The following DUSP8 variants were observed in gnomAD, a reference collection of about 807,000 sequenced individuals.
DUSP8 encodes dual specificity phosphatase 8, also known as dual specificity protein phosphatase 8.
Under a neutral mutation model 38.7 loss-of-function variants are expected in DUSP8, and 15 were observed. That is an observed-to-expected ratio of 0.39 (90% confidence interval 0.26 to 0.60). The LOEUF (loss-of-function observed/expected upper bound fraction) is 0.60. Among genes scored for constraint, DUSP8 ranks in the 20% least tolerant of loss-of-function variants. DUSP8 has a pLI of 0.56. For missense variants in DUSP8, 768 were observed against 915.0 expected, an observed-to-expected ratio of 0.84 and a Z score of 2.07; for synonymous variants, 458 against 433.9, an observed-to-expected ratio of 1.06 and a Z score of -0.69.
intron 1 of DUSP8, among the ~76,000 whole-genome samples, chr11:1,570,928 C>A (rs1052770444): frequency 1.3e-5 from 2 of 152,040 alleles, no homozygotes; most frequent in Non-Finnish European, 2.9e-5. Flanking sequence ...CTTCCCTGGC[C>A]TGCAGCACCC....
chr11:1,555,439 C>A lies in DUSP8; in HGVS notation c.*1079G>T. The A allele has an allele frequency of 1.0e-6, 1 of 986,066 alleles. No individual in the cohort carries two copies. The highest frequency in any genetic ancestry group is 1.2e-6 in the Non-Finnish European group (1 of 829,956). The allele number at this position is 986,066 out of a possible 1,614,324, so 61.1% of individuals were successfully genotyped here. On this transcript the variant is annotated 3_prime_UTR_variant, in exon 7 of 7. Transcript: ENST00000397374. Reference sequence around the variant, plus strand: ...AGCACCTGCTCACAGAGCCCCTCAGCCTGCAGGTGCACACCTGAATTCCAA... The same window carrying A: ...AGCACCTGCTCACAGAGCCCCTCAGACTGCAGGTGCACACCTGAATTCCAA...
chr11:1,560,129 C>T (rs1039891950), intron 3 of DUSP8, among the ~76,000 whole-genome samples: 4 of 152,154 alleles, frequency 2.6e-5, no homozygotes, highest in Non-Finnish European at 4.4e-5. Context: ...AGCACCACCC[C>T]GAGGACACCT....
rs963901940 is a variant in DUSP8, at chr11:1,557,659, G to A, written c.822-85C>T. 1.9e-6 allele frequency: 3 copies of A among 1,540,542 alleles called. No individual in the cohort carries two copies. Among genetic ancestry groups the A allele is most frequent in the South Asian group, 2.5e-5 (2 of 80,050 alleles). On this transcript the variant is annotated intron_variant, in intron 6 of 6. Coordinates refer to ENST00000397374, the MANE Select transcript of DUSP8 (RefSeq NM_004420.3). The surrounding 1 kb of genome is among the most constrained non-coding windows in gnomAD (Gnocchi z 9.9). ...ACCCGCTGGGCACCCACGAGCTCATGTGCGCCAGGCTGGTCTCAGGCCCTC... is the reference window on the plus strand; with the variant it reads ...ACCCGCTGGGCACCCACGAGCTCATATGCGCCAGGCTGGTCTCAGGCCCTC...
At chr11:1,569,100 G>A (rs533665663) in intron 1 of DUSP8, among the ~76,000 whole-genome samples, 4 of 152,146 alleles carry the variant, frequency 2.6e-5, no homozygotes, top group Admixed American at 1.3e-4. Context: ...CTCCTTTCAC[G>A]GCCCCACATG....
chr11:1,564,053 A>T, intron 2 of DUSP8, 64 bp from the exon 3 acceptor site: 1 of 1,370,884 alleles, frequency 7.3e-7, no homozygotes. Context: ...GCCCCGTCCC[A>T]GATATGCTGG....
At position 1,555,317 on chromosome 11, in the gene DUSP8, G is replaced by C; in HGVS notation, c.*1201C>G. On this transcript the variant is annotated 3_prime_UTR_variant, in exon 7 of 7. Transcript: ENST00000397374. ...GCCCCATGGGGGTGGGGGCAAACGAGGGGGCTTTACCTGTCTTGAGGCAGT... is the reference window on the plus strand; with the variant it reads ...GCCCCATGGGGGTGGGGGCAAACGACGGGGCTTTACCTGTCTTGAGGCAGT... The C allele has an allele frequency of 1.0e-6, 1 of 987,932 alleles. No individual in the cohort carries two copies. Among genetic ancestry groups the C allele is most frequent in the Middle Eastern group, 2.8e-4 (1 of 3,550 alleles). 61.2% of individuals were successfully genotyped at this position (987,932 alleles called of 1,614,324 possible). A position where few individuals can be genotyped will look rare whatever the true frequency, so the allele number is the denominator to read the frequency against.
In DUSP8 at chr11:1,572,112, A is replaced by G. The variant is rs1276727751; in HGVS notation, c.-320T>C. Among the ~76,000 whole-genome samples the G allele has an allele frequency of 6.9e-6, 1 of 144,930 alleles. No individual in the cohort carries two copies. Among genetic ancestry groups the G allele is most frequent in the Non-Finnish European group, 1.5e-5 (1 of 65,476 alleles). ...CGGGGCGCGCGCACTGCGGGCGGGC[A>G]CGCGCGCTCGCGGCGCGCATCCCAG... is the stretch of plus-strand genomic sequence containing the variant. On this transcript the variant is annotated 5_prime_UTR_variant, in exon 1 of 7. Transcript: ENST00000397374. The surrounding 1 kb of genome is among the most constrained non-coding windows in gnomAD (Gnocchi z 4.7).
rs779679046 is a variant in DUSP8 at position 1,558,936 on chromosome 11, T to C, written c.490A>G (p.Ile164Val). The change falls in exon 4 of 7, where the codon ATC (isoleucine) becomes GTC (valine). Residue 164 changes from isoleucine to valine, a missense_variant. By Grantham distance (29) the Ile-to-Val change is conservative. Coordinates refer to ENST00000397374, the MANE Select transcript of DUSP8 (RefSeq NM_004420.3). The surrounding 1 kb of genome is among the most constrained non-coding windows in gnomAD (Gnocchi z 6.3). Reference protein sequence around the residue: ...LPVPSVGLTRILPHLYLGSQK... With the variant: ...LPVPSVGLTRVLPHLYLGSQK... The stretch of plus-strand genomic sequence containing the variant: ...GAGCCCAGGTAGAGGTGAGGCAGGA[T>C]GCGGGTCAGGCCCACGCTGGGCACA... 6 of 1,612,790 alleles carry C rather than the reference T, an allele frequency of 3.7e-6. No homozygotes were observed. In the African/African-American group the frequency reaches 5.3e-5, roughly 14 times the overall value.
At chr11:1,567,440 G>T (rs1233658747) in intron 1 of DUSP8, among the ~76,000 whole-genome samples, 1 of 152,234 alleles carries the variant, frequency 6.6e-6, no homozygotes, top group African/African-American at 2.4e-5. Flanking sequence ...AGCAGCAGGT[G>T]CAAGGCTGGT....
At chr11:1,559,232 T>TG in intron 3 of DUSP8, 177 bp from the exon 4 acceptor site, 2 of 570,406 alleles carry the variant, frequency 3.5e-6, no homozygotes, top group Non-Finnish European at 5.9e-6. Flanking sequence ...CTGCCCGCGG[T>TG]GGGGGGAGGG....
intron 3 of DUSP8, among the ~76,000 whole-genome samples, chr11:1,561,909 G>A (rs925542017): frequency 6.6e-6 from 1 of 152,234 alleles, no homozygotes; most frequent in African/African-American, 2.4e-5. Flanking sequence ...GAGCCTGAGG[G>A]CAGAGCCCGT....
In DUSP8 at chr11:1,555,976, T is replaced by C. The variant is rs1301507907; in HGVS notation, c.*542A>G. 1 of 151,376 alleles carries C rather than the reference T, an allele frequency of 6.6e-6. No individual in the cohort carries two copies. Among genetic ancestry groups the C allele is most frequent in the African/African-American group, 2.4e-5 (1 of 41,142 alleles). The allele number at this position is 151,376 out of a possible 1,614,324, so 9.4% of individuals were successfully genotyped here. ...ACCAAGATTTGGTGCCTGGAGCTGA[T>C]GGAGGGCTGGCCGCACCTCTCCGGG... On this transcript the variant is annotated 3_prime_UTR_variant, in exon 7 of 7. Coordinates refer to ENST00000397374, the MANE Select transcript of DUSP8 (RefSeq NM_004420.3).
chr11:1,557,998 C>A lies in DUSP8; in HGVS notation c.698-81G>T. The A allele has an allele frequency of 6.2e-7, 1 of 1,610,326 alleles. No individual in the cohort carries two copies. Among genetic ancestry groups the A allele is most frequent in the Non-Finnish European group, 8.5e-7 (1 of 1,177,942 alleles). ...TGGCCCAGGTAGGGGACCCCACCCG[C>A]CCAACTGCCAACAGTTCCGGCTACT... On this transcript the variant is annotated intron_variant, in intron 5 of 6. Coordinates refer to ENST00000397374, the MANE Select transcript of DUSP8 (RefSeq NM_004420.3). This position sits in a 1 kb window ranked among gnomAD's most constrained non-coding sequence, Gnocchi z 9.9.
chr11:1,570,422 C>G (rs897663946), intron 1 of DUSP8, among the ~76,000 whole-genome samples: 15 of 152,170 alleles, frequency 9.9e-5, no homozygotes, highest in African/African-American at 3.4e-4. Context: ...GAAGTGACAC[C>G]TAGGTCTCCC....
At position 1,562,606 on chromosome 11, in the gene DUSP8, C is replaced by T. The variant is rs1028983577; in HGVS notation, c.370+1245G>A. Among the ~76,000 whole-genome samples, 6 of 152,314 alleles carry T rather than the reference C, an allele frequency of 3.9e-5. No individual in the cohort carries two copies. In the East Asian group the frequency reaches 5.8e-4, roughly 15 times the overall value. On this transcript the variant is annotated intron_variant, in intron 3 of 6. Coordinates refer to ENST00000397374, the MANE Select transcript of DUSP8 (RefSeq NM_004420.3). Reference sequence around the variant, plus strand: ...ATACATGCATATACACGTGCACACACGTACATGCACATATGCGCACACACA... The same window carrying T: ...ATACATGCATATACACGTGCACACATGTACATGCACATATGCGCACACACA...
rs111833246 is a variant in DUSP8, at chr11:1,565,903, C to T, written c.-77G>A. 35 of 1,242,460 alleles carry T rather than the reference C, an allele frequency of 2.8e-5. No individual in the cohort carries two copies. The highest frequency in any genetic ancestry group is 1.9e-4 in the African/African-American group (13 of 67,808). The allele number at this position is 1,242,460 out of a possible 1,614,324, so 77.0% of individuals were successfully genotyped here. A position where few individuals can be genotyped will look rare whatever the true frequency, so the allele number is the denominator to read the frequency against. On this transcript the variant is annotated 5_prime_UTR_variant, in exon 2 of 7. Transcript: ENST00000397374. ...CTCCGACGGCCCAGGTGTGGCCTCG[C>T]GCTGGGAGTGACCTAGCACATGGTG...
At position 1,555,020 on chromosome 11, in the gene DUSP8, GC is replaced by G; in HGVS notation, c.*1497del. ...GGCGGCTGGCTGGGGCGGGATGGGCGCCTCCCTGGCCCTGCTCCAGGACTCA... is the reference window on the plus strand; with the variant it reads ...GGCGGCTGGCTGGGGCGGGATGGGCGCTCCCTGGCCCTGCTCCAGGACTCA... On this transcript the variant is annotated 3_prime_UTR_variant, in exon 7 of 7. Coordinates refer to ENST00000397374, the MANE Select transcript of DUSP8 (RefSeq NM_004420.3). 2 of 986,188 alleles carry G rather than the reference GC, an allele frequency of 2.0e-6. No homozygotes were observed. Among genetic ancestry groups the G allele is most frequent in the Non-Finnish European group, 2.4e-6 (2 of 830,146 alleles). The allele number at this position is 986,188 out of a possible 1,614,324, so 61.1% of individuals were successfully genotyped here.
intron 1 of DUSP8, among the ~76,000 whole-genome samples, chr11:1,568,008 C>T (rs1040190297): frequency 2.0e-5 from 3 of 152,152 alleles, no homozygotes; most frequent in Non-Finnish European, 4.4e-5. Flanking sequence ...GGTGAGACAG[C>T]GGCTCCAGGT....
At chr11:1,562,467 A>G (rs1273658160) in intron 3 of DUSP8, among the ~76,000 whole-genome samples, 3 of 152,170 alleles carry the variant, frequency 2.0e-5, no homozygotes, top group Non-Finnish European at 4.4e-5. Context: ...GGGTTGGATC[A>G]GAGTGCGTCA....
Sources: gnomAD v4.1 joint callset for allele counts (sites outside exome capture counted in the v4.1 genomes callset) on GRCh38, gnomAD v4.1.1 for gene constraint, Gnocchi (gnomAD v3.1) non-coding constraint, MANE v1.5 for transcripts, NCBI Gene and HGNC (gene_info 2026-07-23, HGNC 2026-07-21) for gene names.